The following AAK1 variants were observed in gnomAD, a reference collection of about 807,000 sequenced individuals.
The protein encoded by AAK1 is AP2-associated protein kinase 1.
Under a neutral mutation model 116.0 loss-of-function variants are expected in AAK1, and 37 were observed. The observed-to-expected ratio is 0.32, with a 90% CI of 0.25 to 0.42. AAK1 has a LOEUF of 0.42. Ranked by LOEUF, AAK1 falls within the 10% of genes least tolerant of loss-of-function variation. The pLI, the probability that AAK1 is intolerant of heterozygous loss-of-function variation, is 1.00. For synonymous variants in AAK1, 458 were observed against 439.9 expected (o/e 1.04, Z -0.51); for missense variants, 919 against 1,170.6 (o/e 0.79, Z 3.14).
At chr2:69,583,247 T>A (rs1379421357) in intron 2 of AAK1, among the ~76,000 whole-genome samples, 1 of 152,216 alleles carries the variant, frequency 6.6e-6, no homozygotes, top group Non-Finnish European at 1.5e-5. Context: ...ATACACCAAA[T>A]AACCTCCGAA....
At chr2:69,590,536 C>T (rs1443957564) in intron 2 of AAK1, among the ~76,000 whole-genome samples, 1 of 152,264 alleles carries the variant, frequency 6.6e-6, no homozygotes, top group Non-Finnish European at 1.5e-5. Flanking sequence ...TCCCCACTAA[C>T]CTTGTACACA....
Position 69,643,534 on chromosome 2 carries a change from C to T in AAK1, c.-235+41G>A, listed in dbSNP as rs548379354. The T allele has an allele frequency of 9.8e-6, 12 of 1,227,090 alleles. No homozygotes were observed. The East Asian group carries it at 1.3e-4, about 13-fold the overall frequency. The allele number at this position is 1,227,090 out of a possible 1,614,324, so 76.0% of individuals were successfully genotyped here. A position where few individuals can be genotyped will look rare whatever the true frequency, so the allele number is the denominator to read the frequency against. ...GCACTGCCTCCCGCTCCTCCCGGGTCTCCCCGCCGCCCCTCGAGGCGGCAT... is the reference window on the plus strand; with the variant it reads ...GCACTGCCTCCCGCTCCTCCCGGGTTTCCCCGCCGCCCCTCGAGGCGGCAT... On this transcript the variant is annotated intron_variant, in intron 1 of 21. Transcript: ENST00000409085.
At chr2:69,587,367 G>C (rs2105158707) in intron 2 of AAK1, among the ~76,000 whole-genome samples, 1 of 107,336 alleles carries the variant, frequency 9.3e-6, no homozygotes, top group African/African-American at 5.0e-5. Context: ...ACATATGCGT[G>C]TACACACACA....
intron 3 of AAK1, among the ~76,000 whole-genome samples, chr2:69,550,808 G>A (rs1671147608): frequency 1.3e-5 from 2 of 151,946 alleles, no homozygotes; most frequent in South Asian, 4.1e-4. Context: ...TAGAGACAGG[G>A]TTTGGCCATT....
intron 2 of AAK1, among the ~76,000 whole-genome samples, chr2:69,566,111 T>G (rs1202056650): frequency 6.6e-6 from 1 of 152,160 alleles, no homozygotes; most frequent in Non-Finnish European, 1.5e-5. Context: ...ACTTGGGTGC[T>G]CTATCCACAG....
chr2:69,470,715 C>G lies in AAK1; in HGVS notation c.*5154G>C. 2 of 985,446 alleles carry G rather than the reference C, an allele frequency of 2.0e-6. No individual in the cohort carries two copies. The highest frequency in any genetic ancestry group is 1.2e-6 in the Non-Finnish European group (1 of 829,934). The allele number at this position is 985,446 out of a possible 1,614,324, so 61.0% of individuals were successfully genotyped here. On this transcript the variant is annotated 3_prime_UTR_variant, in exon 22 of 22. Coordinates refer to ENST00000409085, the MANE Select transcript of AAK1 (RefSeq NM_014911.5). ...AGTGTAGGCTGGCAGGCGTCTTATT[C>G]TCCTTGAGACTAAAACAGGGGTTTT...
chr2:69,643,342 T>C (rs941641595), intron 1 of AAK1, 68 bp from the exon 2 acceptor site: 1 of 1,234,332 alleles, frequency 8.1e-7, no homozygotes, highest in African/African-American at 1.6e-5. Flanking sequence ...CGCTGAGTCC[T>C]AGGGGGAGCA....
intron 2 of AAK1, among the ~76,000 whole-genome samples, chr2:69,613,678 C>T (rs1003988874): frequency 1.3e-5 from 2 of 152,188 alleles, no homozygotes; most frequent in Admixed American, 6.5e-5. Flanking sequence ...TAGATAGCTC[C>T]GTATGTGGAG....
At chr2:69,569,127 G>A (rs11126237) in intron 2 of AAK1, among the ~76,000 whole-genome samples, 61,584 of 152,032 alleles carry the variant, frequency 0.41, 13,288 homozygotes, top group East Asian at 0.77. Flanking sequence ...TGTATGGAAT[G>A]ACTCCTCTTA....
At chr2:69,611,726 C>G (rs1336035897) in intron 2 of AAK1, among the ~76,000 whole-genome samples, 2 of 152,122 alleles carry the variant, frequency 1.3e-5, no homozygotes, top group Non-Finnish European at 2.9e-5. Context: ...TCACAACAGC[C>G]AGAAGGTAGA....
At chr2:69,488,994 T>C (rs1245270641) in intron 17 of AAK1, among the ~76,000 whole-genome samples, 2 of 150,936 alleles carry the variant, frequency 1.3e-5, no homozygotes, top group East Asian at 2.0e-4. Flanking sequence ...CATGCCACCA[T>C]GCCTGGCTAA....
chr2:69,501,384 T>C (rs1157631809), intron 16 of AAK1, among the ~76,000 whole-genome samples: 2 of 136,822 alleles, frequency 1.5e-5, no homozygotes, highest in Non-Finnish European at 3.1e-5. Flanking sequence ...CAAAACCCCA[T>C]TTTTTTTTTT....
chr2:69,530,272 C>T (rs750779597), intron 7 of AAK1, 132 bp from the exon 8 acceptor site: 56 of 989,588 alleles, frequency 5.7e-5, no homozygotes, highest in Non-Finnish European at 7.5e-5. Flanking sequence ...GTATTAGAAA[C>T]ATGAGTTTTA....
chr2:69,619,410 T>C (rs1321497385), intron 2 of AAK1, among the ~76,000 whole-genome samples: 1 of 152,116 alleles, frequency 6.6e-6, no homozygotes, highest in Non-Finnish European at 1.5e-5. Flanking sequence ...TGTCTCAGAG[T>C]GTGAAATTTC....
Position 69,472,249 on chromosome 2 carries a change from T to C in AAK1, c.*3620A>G, listed in dbSNP as rs1202960344. The C allele has an allele frequency of 3.7e-6, 3 of 820,954 alleles. No homozygotes were observed. Among genetic ancestry groups the C allele is most frequent in the Non-Finnish European group, 4.4e-6 (3 of 679,936 alleles). The allele number at this position is 820,954 out of a possible 1,614,324, so 50.9% of individuals were successfully genotyped here. A position where few individuals can be genotyped will look rare whatever the true frequency, so the allele number is the denominator to read the frequency against. ...AGTAACCACTCTTCATCTTACAGGG[T>C]TGAATTTGCTTTCTGGAAATGGCTA... is the stretch of plus-strand genomic sequence containing the variant. On this transcript the variant is annotated 3_prime_UTR_variant, in exon 22 of 22. Coordinates refer to ENST00000409085, the MANE Select transcript of AAK1 (RefSeq NM_014911.5).
intron 16 of AAK1, among the ~76,000 whole-genome samples, chr2:69,498,061 A>T (rs1482690366): frequency 8.6e-6 from 1 of 116,840 alleles, no homozygotes; most frequent in Non-Finnish European, 1.6e-5. Flanking sequence ...GCCTCTTTTC[A>T]TCTCGCTCCC....
chr2:69,543,055 T>C (rs1670786694), intron 4 of AAK1, among the ~76,000 whole-genome samples: 1 of 152,144 alleles, frequency 6.6e-6, no homozygotes, highest in South Asian at 2.1e-4. Flanking sequence ...GATGGCACAA[T>C]AGGTCCAGGG....
chr2:69,550,080 T>G (rs1256515854), intron 3 of AAK1, among the ~76,000 whole-genome samples: 1 of 152,200 alleles, frequency 6.6e-6, no homozygotes, highest in Non-Finnish European at 1.5e-5. Context: ...CCAGTAGCAA[T>G]CCAGCCTAGA....
Position 69,465,299 on chromosome 2 carries a change from C to T in AAK1, c.*10570G>A. The T allele has an allele frequency of 1.1e-6, 1 of 902,532 alleles. No homozygotes were observed. Among genetic ancestry groups the T allele is most frequent in the Non-Finnish European group, 1.5e-6 (1 of 682,874 alleles). 55.9% of individuals were successfully genotyped at this position (902,532 alleles called of 1,614,324 possible). ...GAGTTTGTTGACTCAAGAAATTCTG[C>T]TCTGACGCAGGGAATTGAAATATAA... On this transcript the variant is annotated 3_prime_UTR_variant, in exon 22 of 22. Transcript: ENST00000409085.
Sources: gnomAD v4.1 joint callset for allele counts (sites outside exome capture counted in the v4.1 genomes callset) on GRCh38, gnomAD v4.1.1 for gene constraint, MANE v1.5 for transcripts, NCBI Gene and HGNC (gene_info 2026-07-23, HGNC 2026-07-21) for gene names.